Variants in ZNF704 observed in about 807,000 individuals in gnomAD.
The protein encoded by ZNF704 is glucocorticoid induced gene 1.
Under a neutral mutation model 44.7 loss-of-function variants are expected in ZNF704, and 10 were observed. The observed-to-expected ratio is 0.22, with a 90% CI of 0.14 to 0.38. The LOEUF (loss-of-function observed/expected upper bound fraction) is 0.38, where lower values mean the gene tolerates loss of function less well. Among genes scored for constraint, ZNF704 ranks in the 10% least tolerant of loss-of-function variants. The pLI, the probability that ZNF704 is intolerant of heterozygous loss-of-function variation, is 1.00. For missense variants in ZNF704, 390 were observed against 545.5 expected (o/e 0.71, Z 2.84); for synonymous variants, 211 against 207.6 (o/e 1.02, Z -0.14).
chr8:80,641,752 T>C (rs1266492276), intron 8 of ZNF704, among the ~76,000 whole-genome samples: 1 of 152,042 alleles, frequency 6.6e-6, no homozygotes, highest in Non-Finnish European at 1.5e-5. Flanking sequence ...TCCCAGCTAC[T>C]CAGGAGGCTG....
intron 2 of ZNF704, among the ~76,000 whole-genome samples, chr8:80,811,918 C>G (rs578119225): frequency 1.3e-5 from 2 of 152,238 alleles, no homozygotes; most frequent in East Asian, 3.9e-4. Flanking sequence ...CTCAAAGGCA[C>G]GTGAACCCTA....
chr8:80,848,780 A>C (rs1369448398), intron 1 of ZNF704, among the ~76,000 whole-genome samples: 2 of 152,096 alleles, frequency 1.3e-5, no homozygotes, highest in African/African-American at 4.8e-5. Context: ...CTCAAAAAAA[A>C]AGTTTTAAAA....
intron 3 of ZNF704, among the ~76,000 whole-genome samples, chr8:80,691,374 C>T (rs1355116693): frequency 6.6e-6 from 1 of 152,216 alleles, no homozygotes; most frequent in African/African-American, 2.4e-5. Flanking sequence ...TTGACAAAGC[C>T]ACCAGTGACC....
chr8:80,658,653 G>A (rs1485290860), intron 7 of ZNF704: 1 of 152,200 alleles, frequency 6.6e-6, no homozygotes, highest in Non-Finnish European at 1.5e-5. Context: ...ATTGCCTCTA[G>A]CAGTATGCTT....
chr8:80,732,331 A>G (rs1274022722), intron 2 of ZNF704, among the ~76,000 whole-genome samples: 1 of 152,168 alleles, frequency 6.6e-6, no homozygotes, highest in Admixed American at 6.5e-5. Flanking sequence ...CCAGCTACCA[A>G]GGGACTTCTG....
intron 1 of ZNF704, among the ~76,000 whole-genome samples, chr8:80,830,133 A>G (rs1194882991): frequency 6.6e-6 from 1 of 152,230 alleles, no homozygotes; most frequent in African/African-American, 2.4e-5. Context: ...AAGCATATAT[A>G]ACGTCGAGTC....
chr8:80,735,516 C>T (rs1201334705), intron 2 of ZNF704, among the ~76,000 whole-genome samples: 4 of 152,152 alleles, frequency 2.6e-5, no homozygotes, highest in Admixed American at 6.5e-5. Flanking sequence ...TCAACAAATG[C>T]CTTTTAAATA....
chr8:80,855,592 G>A (rs1426747608), intron 1 of ZNF704, among the ~76,000 whole-genome samples: 11 of 152,072 alleles, frequency 7.2e-5, no homozygotes, highest in Admixed American at 7.2e-4. Flanking sequence ...CGTAGAGTAT[G>A]GAATGATACA....
At chr8:80,841,399 T>C (rs1808676473) in intron 1 of ZNF704, among the ~76,000 whole-genome samples, 1 of 151,470 alleles carries the variant, frequency 6.6e-6, no homozygotes, top group South Asian at 2.1e-4. Context: ...TCTGCATTTC[T>C]TTTTTTTTCC....
At chr8:80,730,872 T>C (rs1352382403) in intron 2 of ZNF704, among the ~76,000 whole-genome samples, 1 of 152,234 alleles carries the variant, frequency 6.6e-6, no homozygotes, top group Non-Finnish European at 1.5e-5. Flanking sequence ...GAATGTCTCA[T>C]ATATTCAAAT....
chr8:80,645,106 T>G (rs1817806396), intron 7 of ZNF704: 27 of 1,592,802 alleles, frequency 1.7e-5, no homozygotes, highest in Non-Finnish European at 2.2e-5. Flanking sequence ...TTGGGCAGCA[T>G]GACATGTCGA....
chr8:80,732,952 T>TTA (rs1248180349), intron 2 of ZNF704, among the ~76,000 whole-genome samples: 1 of 78,660 alleles, frequency 1.3e-5, no homozygotes, highest in African/African-American at 4.3e-5. Context: ...AGACCTTGCC[T>TTA]AAAAAAAAAA....
At chr8:80,721,586 T>C (rs1050903886) in intron 2 of ZNF704, among the ~76,000 whole-genome samples, 1 of 152,216 alleles carries the variant, frequency 6.6e-6, no homozygotes, top group African/African-American at 2.4e-5. Flanking sequence ...AAATTTTCAA[T>C]TGGTTGAAAA....
At chr8:80,789,037 A>G (rs1411263273) in intron 2 of ZNF704, among the ~76,000 whole-genome samples, 1 of 152,244 alleles carries the variant, frequency 6.6e-6, no homozygotes, top group African/African-American at 2.4e-5. Flanking sequence ...AAAGCATTGC[A>G]AAGTGTTAAA....
chr8:80,810,093 C>T (rs1037128411), intron 2 of ZNF704, among the ~76,000 whole-genome samples: 1 of 152,170 alleles, frequency 6.6e-6, no homozygotes, highest in African/African-American at 2.4e-5. Flanking sequence ...TCTACATCTG[C>T]CTCTTAATTA....
At chr8:80,774,956 C>T (rs780776482) in intron 2 of ZNF704, among the ~76,000 whole-genome samples, 38 of 152,112 alleles carry the variant, frequency 2.5e-4, no homozygotes, top group Non-Finnish European at 4.9e-4. Context: ...TGCTGTGGCC[C>T]GGGGGTTTCT....
rs1818666592 is a variant in ZNF704, at chr8:80,693,069, G to A, written c.260C>T (p.Ala87Val). The A allele has an allele frequency of 6.2e-7, 1 of 1,614,076 alleles. No homozygotes were observed. The highest frequency in any genetic ancestry group is 8.5e-7 in the Non-Finnish European group (1 of 1,180,038). ...CGACAAGCTGGTTAGTACCATTGCT[G>A]CTGTCACCTTGTCCATGTCTAGTTC... is the stretch of plus-strand genomic sequence containing the variant. ...SEELDMDKVT[A>V]AMVLTSLSTS... The change falls in exon 3 of 9, where the codon GCA becomes GTA. Residue 87 changes from alanine to valine, a missense_variant. Around this residue, in one of 3 missense-constraint regions of ZNF704, gnomAD observed 5 missense variants for 26.1 expected, o/e 0.19. Coordinates refer to ENST00000327835, the MANE Select transcript of ZNF704 (RefSeq NM_001033723.3).
At chr8:80,667,174 A>G (rs1307748932) in intron 5 of ZNF704, among the ~76,000 whole-genome samples, 4 of 152,112 alleles carry the variant, frequency 2.6e-5, no homozygotes, top group African/African-American at 7.2e-5. Context: ...GGAGCTCGGG[A>G]CCCCAGGGAG....
chr8:80,873,187 C>T (rs1176836803), intron 1 of ZNF704, among the ~76,000 whole-genome samples: 1 of 152,194 alleles, frequency 6.6e-6, no homozygotes, highest in African/African-American at 2.4e-5. Context: ...TCCCCTGCCT[C>T]ACCCGTCCCC....
Sources: allele counts gnomAD v4.1 joint callset (sites outside exome capture counted in the v4.1 genomes callset), GRCh38; gene constraint gnomAD v4.1.1; regional missense constraint gnomAD v4.1.1; transcripts MANE v1.5; gene names NCBI Gene and HGNC (gene_info 2026-07-23, HGNC 2026-07-21).